WWOX: variants seen among roughly 807,000 people sequenced by gnomAD.
WWOX encodes the protein WW domain containing oxidoreductase, also known as WW domain-containing oxidoreductase.
A neutral mutation model predicts 46.2 loss-of-function variants in WWOX; 69 were observed. That is an observed-to-expected ratio of 1.49 (90% CI 1.23 to 1.82). The LOEUF is 1.82. WWOX is among the 40% of genes most tolerant of loss of function. The probability of loss-of-function intolerance (pLI) is 0.00; values close to 1 mark genes in which losing one functional copy is unlikely to be tolerated. For missense variants in WWOX, 919 were observed against 542.6 expected (o/e 1.69, Z -6.89); for synonymous variants, 359 against 202.6 (o/e 1.77, Z -6.56).
chr16:78,679,730 A>G (rs2047685762), intron 8 of WWOX, among the ~76,000 whole-genome samples: 1 of 152,216 alleles, frequency 6.6e-6, no homozygotes, highest in African/African-American at 2.4e-5. Flanking sequence ...TGGAAAATGC[A>G]CATTTAATAA....
chr16:78,299,291 C>A (rs1167921523), intron 5 of WWOX, among the ~76,000 whole-genome samples: 2 of 152,130 alleles, frequency 1.3e-5, no homozygotes, highest in Non-Finnish European at 2.9e-5. Context: ...GTGCTTCCTC[C>A]TGCCGTGCCT....
At chr16:79,004,612 A>C (rs540798296) in intron 8 of WWOX, 2 of 152,276 alleles carry the variant, frequency 1.3e-5, no homozygotes, top group Admixed American at 6.5e-5. Flanking sequence ...ACCCTCTTAA[A>C]TATGCTTTTG....
intron 8 of WWOX, among the ~76,000 whole-genome samples, chr16:78,628,213 G>C (rs544829163): frequency 1.3e-5 from 2 of 152,162 alleles, no homozygotes; most frequent in African/African-American, 4.8e-5. Context: ...ATGCTACCTT[G>C]AGTGGACGGT....
intron 6 of WWOX, among the ~76,000 whole-genome samples, chr16:78,397,170 G>A (rs1478986794): frequency 6.6e-6 from 1 of 152,134 alleles, no homozygotes; most frequent in Non-Finnish European, 1.5e-5. Context: ...GTGGAACAGT[G>A]TGCTTTGCTG....
chr16:79,033,232 C>G (rs1471062769), intron 8 of WWOX, among the ~76,000 whole-genome samples: 1 of 145,706 alleles, frequency 6.9e-6, no homozygotes, highest in Admixed American at 6.9e-5. Flanking sequence ...TAGGGTAAAA[C>G]AAAGTCTATA....
chr16:78,228,679 A>G (rs1342036290), intron 5 of WWOX, among the ~76,000 whole-genome samples: 1 of 152,168 alleles, frequency 6.6e-6, no homozygotes, highest in Non-Finnish European at 1.5e-5. Context: ...ATTTCAGATG[A>G]CTTAAAAATT....
chr16:78,715,605 G>C (rs532495820), intron 8 of WWOX, among the ~76,000 whole-genome samples: 1 of 151,878 alleles, frequency 6.6e-6, no homozygotes, highest in Non-Finnish European at 1.5e-5. Flanking sequence ...TGCCTCAGCC[G>C]AGTAGCTGGG....
At chr16:78,828,327 G>A (rs1230625709) in intron 8 of WWOX, among the ~76,000 whole-genome samples, 1 of 152,086 alleles carries the variant, frequency 6.6e-6, no homozygotes, top group Non-Finnish European at 1.5e-5. Context: ...AAAAACTGGG[G>A]GATGCAGAAT....
chr16:78,692,595 A>T (rs1305638050), intron 8 of WWOX, among the ~76,000 whole-genome samples: 1 of 152,190 alleles, frequency 6.6e-6, no homozygotes, highest in South Asian at 2.1e-4. Flanking sequence ...TAAGGGCCAT[A>T]TGCCTGAATC....
intron 5 of WWOX, among the ~76,000 whole-genome samples, chr16:78,169,470 T>C (rs1157936475): frequency 2.5e-5 from 2 of 79,676 alleles, no homozygotes; most frequent in East Asian, 6.9e-4. Flanking sequence ...TCTCAGGACC[T>C]CTGAGATCTC....
intron 8 of WWOX, among the ~76,000 whole-genome samples, chr16:78,727,997 G>GT (rs11432681): frequency 0.034 from 4,955 of 146,162 alleles, 276 homozygotes; most frequent in African/African-American, 0.12. Flanking sequence ...TTATAAGTAA[G>GT]AAACCTATTA....
chr16:78,920,143 G>C (rs2045345987), intron 8 of WWOX, among the ~76,000 whole-genome samples: 1 of 152,090 alleles, frequency 6.6e-6, no homozygotes, highest in Non-Finnish European at 1.5e-5. Flanking sequence ...GGCTCTGCTT[G>C]CTCTTGGTCT....
intron 8 of WWOX, among the ~76,000 whole-genome samples, chr16:79,021,913 C>G (rs1189800095): frequency 2.0e-5 from 3 of 152,206 alleles, no homozygotes; most frequent in East Asian, 1.9e-4. Flanking sequence ...GGGACCAACA[C>G]CAGCAACTGT....
chr16:78,651,052 C>T (rs188201207), intron 8 of WWOX, among the ~76,000 whole-genome samples: 17 of 152,320 alleles, frequency 1.1e-4, no homozygotes, highest in African/African-American at 3.8e-4. Flanking sequence ...ACTGCTGAAG[C>T]CATTGCCCAT....
chr16:78,770,426 G>T (rs990630362), intron 8 of WWOX, among the ~76,000 whole-genome samples: 1 of 152,198 alleles, frequency 6.6e-6, no homozygotes, highest in Admixed American at 6.5e-5. Flanking sequence ...GGGGGATGGG[G>T]CAGTACACCC....
Position 78,589,243 on chromosome 16 carries a change from G to C in WWOX, c.1056+156491G>C, listed in dbSNP as rs184995279. Among the ~76,000 whole-genome samples the C allele has an allele frequency of 1.7e-3, 252 of 152,262 alleles. 2 individuals are homozygous for C. The highest frequency in any genetic ancestry group is 4.1e-4 in the Non-Finnish European group (28 of 68,026). On this transcript the variant is annotated intron_variant, in intron 8 of 8. Coordinates refer to ENST00000566780, the MANE Select transcript of WWOX (RefSeq NM_016373.4). ...TGCTCAGGAGGGAACAGAGGGAGAAGGATAGAGGAAAAGCAAAGCAAAACA... is the reference window on the plus strand; with the variant it reads ...TGCTCAGGAGGGAACAGAGGGAGAACGATAGAGGAAAAGCAAAGCAAAACA...
chr16:78,457,008 A>G (rs997472533), intron 8 of WWOX, among the ~76,000 whole-genome samples: 2 of 152,214 alleles, frequency 1.3e-5, no homozygotes, highest in South Asian at 2.1e-4. Flanking sequence ...GCCTTAAATG[A>G]TGCTACTGGC....
chr16:78,717,161 C>G (rs981817506), intron 8 of WWOX, among the ~76,000 whole-genome samples: 3 of 152,148 alleles, frequency 2.0e-5, no homozygotes, highest in Non-Finnish European at 4.4e-5. Flanking sequence ...TCTAGTCTGT[C>G]TCCCCAGGCT....
At chr16:79,092,023 T>C (rs994590251) in intron 8 of WWOX, among the ~76,000 whole-genome samples, 10 of 151,984 alleles carry the variant, frequency 6.6e-5, no homozygotes, top group Non-Finnish European at 1.2e-4. Context: ...TCGTGATCTT[T>C]TCTCGCCTCG....
Sources: allele counts gnomAD v4.1 joint callset (sites outside exome capture counted in the v4.1 genomes callset), GRCh38; gene constraint gnomAD v4.1.1; transcripts MANE v1.5; gene names NCBI Gene and HGNC (gene_info 2026-07-23, HGNC 2026-07-21).